The following CNTN4 variants were observed in gnomAD, a reference collection of about 807,000 sequenced individuals.
The protein encoded by CNTN4 is contactin 4.
A neutral mutation model predicts 122.5 loss-of-function variants in CNTN4; 77 were observed. The observed-to-expected ratio is 0.63, with a 90% CI of 0.52 to 0.76. The LOEUF is 0.76. CNTN4 is among the 30% of genes least tolerant of loss of function. CNTN4 has a pLI of 0.00. For missense variants in CNTN4, 1,256 were observed against 1,259.1 expected, an observed-to-expected ratio of 1.00 and a Z score of 0.04; for synonymous variants, 512 against 447.0, an observed-to-expected ratio of 1.15 and a Z score of -1.83.
intron 4 of CNTN4, among the ~76,000 whole-genome samples, chr3:2,706,498 A>G (rs112534630): frequency 6.6e-6 from 1 of 152,168 alleles, no homozygotes. Context: ...CGATTTGCAA[A>G]AGAGAGTGAT....
At position 2,614,940 on chromosome 3, in the gene CNTN4, A is replaced by G. The variant is rs528647668; in HGVS notation, c.55+43382A>G. Among the ~76,000 whole-genome samples the G allele has an allele frequency of 2.0e-5, 3 of 152,222 alleles. No homozygotes were observed. In the South Asian group the frequency reaches 6.2e-4, roughly 32 times the overall value. ...GTATAATTTGGAGAACTGAAAATTG[A>G]TGGGTACTTATTTATTGAAACATTT... On this transcript the variant is annotated intron_variant, in intron 4 of 24. Coordinates refer to ENST00000418658, the MANE Select transcript of CNTN4 (RefSeq NM_175607.3).
intron 6 of CNTN4, among the ~76,000 whole-genome samples, chr3:2,750,354 A>T (rs1179168235): frequency 6.6e-6 from 1 of 152,220 alleles, no homozygotes; most frequent in Non-Finnish European, 1.5e-5. Context: ...GATTATTAAA[A>T]ATGTTTTCAT....
chr3:2,510,684 A>G (rs2076861480), intron 3 of CNTN4, among the ~76,000 whole-genome samples: 1 of 152,126 alleles, frequency 6.6e-6, no homozygotes, highest in Admixed American at 6.6e-5. Flanking sequence ...TCTGGGCAAA[A>G]GCGTGTGTGG....
chr3:2,456,731 CTG>C (rs771585562), intron 3 of CNTN4, among the ~76,000 whole-genome samples: 16 of 152,140 alleles, frequency 1.1e-4, no homozygotes, highest in Non-Finnish European at 1.9e-4. Context: ...TAATATTCCA[CTG>C]TGTATATATA....
chr3:2,150,909 G>T (rs2035466962), intron 2 of CNTN4, among the ~76,000 whole-genome samples: 2 of 152,152 alleles, frequency 1.3e-5, no homozygotes, highest in South Asian at 2.1e-4. Flanking sequence ...TTCCTCTTTG[G>T]GGGAGGATGT....
chr3:2,314,274 G>A (rs1208008703), intron 2 of CNTN4, among the ~76,000 whole-genome samples: 1 of 151,894 alleles, frequency 6.6e-6, no homozygotes, highest in East Asian at 1.9e-4. Flanking sequence ...ATATATATTA[G>A]AATTCTAAAA....
intron 3 of CNTN4, among the ~76,000 whole-genome samples, chr3:2,548,089 G>A (rs1323213212): frequency 1.3e-5 from 2 of 152,006 alleles, no homozygotes; most frequent in Non-Finnish European, 2.9e-5. Flanking sequence ...TTGTCAGATG[G>A]ATAGATTGCA....
At chr3:2,908,702 T>C (rs2094264734) in intron 12 of CNTN4, among the ~76,000 whole-genome samples, 1 of 152,234 alleles carries the variant, frequency 6.6e-6, no homozygotes, top group African/African-American at 2.4e-5. Flanking sequence ...TCTTTGATTT[T>C]GCTTATATAT....
rs1292378609 is a variant in CNTN4 at position 2,182,226 on chromosome 3, G to C, written c.-145+81587G>C. Among the ~76,000 whole-genome samples the C allele has an allele frequency of 2.0e-5, 3 of 151,810 alleles. No individual in the cohort carries two copies. In the South Asian group the frequency reaches 6.2e-4, roughly 31 times the overall value. ...GAAAATTAGTTATCAGCTGTGCCTT[G>C]CTTTTTCTTTACTTGGGTTTCTCTA... is the stretch of plus-strand genomic sequence containing the variant. On this transcript the variant is annotated intron_variant, in intron 2 of 24. Coordinates refer to ENST00000418658, the MANE Select transcript of CNTN4 (RefSeq NM_175607.3).
intron 2 of CNTN4, among the ~76,000 whole-genome samples, chr3:2,291,263 CA>C (rs2042124448): frequency 1.3e-5 from 2 of 152,142 alleles, no homozygotes; most frequent in South Asian, 4.1e-4. Flanking sequence ...GTGCTAAGTA[CA>C]GACCCTAGGC....
At chr3:2,178,081 C>A (rs2036836726) in intron 2 of CNTN4, among the ~76,000 whole-genome samples, 1 of 152,012 alleles carries the variant, frequency 6.6e-6, no homozygotes, top group Non-Finnish European at 1.5e-5. Flanking sequence ...GTAGCTAGGA[C>A]CTGTGAAATT....
chr3:2,228,334 T>C (rs2039362755), intron 2 of CNTN4, among the ~76,000 whole-genome samples: 1 of 151,880 alleles, frequency 6.6e-6, no homozygotes, highest in East Asian at 1.9e-4. Context: ...AATAAAATTA[T>C]ATAGCATTTA....
chr3:3,030,490 G>A (rs1167160962), intron 15 of CNTN4, among the ~76,000 whole-genome samples: 5 of 152,192 alleles, frequency 3.3e-5, no homozygotes, highest in East Asian at 1.9e-4. Flanking sequence ...TAAAGTATCC[G>A]AACGCCAACC....
chr3:2,668,267 T>C (rs1257468135), intron 4 of CNTN4, among the ~76,000 whole-genome samples: 3 of 150,946 alleles, frequency 2.0e-5, no homozygotes, highest in Non-Finnish European at 2.9e-5. Flanking sequence ...TTTTATTTCC[T>C]TGAGCAGTGG....
chr3:2,978,843 C>G (rs1693677412), intron 13 of CNTN4, among the ~76,000 whole-genome samples: 1 of 152,174 alleles, frequency 6.6e-6, no homozygotes, highest in Non-Finnish European at 1.5e-5. Context: ...GCCATCCTCC[C>G]AGTTTGCTTA....
intron 3 of CNTN4, among the ~76,000 whole-genome samples, chr3:2,494,492 G>A (rs1482188848): frequency 6.6e-6 from 1 of 152,266 alleles, no homozygotes; most frequent in African/African-American, 2.4e-5. Flanking sequence ...TTGAAGCCAA[G>A]GTTCTTGTTA....
intron 7 of CNTN4, among the ~76,000 whole-genome samples, chr3:2,827,122 T>C (rs1325050065): frequency 6.6e-6 from 1 of 152,138 alleles, no homozygotes; most frequent in African/African-American, 2.4e-5. Context: ...CCTGGCTGGG[T>C]CCTAGGTTTG....
intron 2 of CNTN4, among the ~76,000 whole-genome samples, chr3:2,135,453 T>C (rs1436849279): frequency 6.6e-6 from 1 of 152,126 alleles, no homozygotes; most frequent in Admixed American, 6.6e-5. Flanking sequence ...GCCTTGAAAA[T>C]TGGAAATGTT....
At chr3:2,538,411 T>A (rs2077896089) in intron 3 of CNTN4, among the ~76,000 whole-genome samples, 1 of 152,126 alleles carries the variant, frequency 6.6e-6, no homozygotes, top group African/African-American at 2.4e-5. Flanking sequence ...CATAAACTAT[T>A]CTTTATCTAC....
Sources: gnomAD v4.1 joint callset for allele counts (sites outside exome capture counted in the v4.1 genomes callset) on GRCh38, gnomAD v4.1.1 for gene constraint, MANE v1.5 for transcripts, NCBI Gene and HGNC (gene_info 2026-07-23, HGNC 2026-07-21) for gene names.